TNIK: variants seen among roughly 807,000 people sequenced by gnomAD.
TNIK encodes TRAF2 and NCK interacting kinase, also known as TRAF2 and NCK-interacting protein kinase.
Under a neutral mutation model 191.3 loss-of-function variants are expected in TNIK, and 49 were observed. That is an observed-to-expected ratio of 0.26 (90% CI 0.20 to 0.32). The LOEUF (loss-of-function observed/expected upper bound fraction) is 0.32, where lower values mean the gene tolerates loss of function less well. Ranked by LOEUF, TNIK falls within the 10% of genes least tolerant of loss-of-function variation. The pLI is 1.00. For synonymous variants in TNIK, 594 were observed against 600.9 expected, an observed-to-expected ratio of 0.99 and a Z score of 0.17; for missense variants, 1,155 against 1,702.3, an observed-to-expected ratio of 0.68 and a Z score of 5.66.
chr3:171,145,236 G>A (rs1197359522), intron 12 of TNIK, among the ~76,000 whole-genome samples: 6 of 152,072 alleles, frequency 3.9e-5, no homozygotes, highest in African/African-American at 7.2e-5. Context: ...ACAGGCGCCC[G>A]CCACCACGCC....
intron 4 of TNIK, 59 bp from the exon 5 acceptor site, chr3:171,194,694 TG>T (rs1738479067): frequency 7.2e-6 from 11 of 1,525,334 alleles, no homozygotes; most frequent in Non-Finnish European, 9.9e-6. Flanking sequence ...TCCATTAAGT[TG>T]GGGTAAGAAA....
intron 1 of TNIK, among the ~76,000 whole-genome samples, chr3:171,377,088 G>C (rs544490321): frequency 1.3e-5 from 2 of 152,336 alleles, no homozygotes; most frequent in Admixed American, 6.5e-5. Flanking sequence ...CTTTTGGGAA[G>C]GGCTGTCCTG....
intron 1 of TNIK, among the ~76,000 whole-genome samples, chr3:171,374,049 T>A (rs748743814): frequency 6.6e-6 from 1 of 152,232 alleles, no homozygotes; most frequent in Non-Finnish European, 1.5e-5. Flanking sequence ...GTCCAATACA[T>A]AACTGCTAGA....
At chr3:171,333,668 T>C (rs1241291264) in intron 2 of TNIK, among the ~76,000 whole-genome samples, 1 of 151,742 alleles carries the variant, frequency 6.6e-6, no homozygotes, top group Non-Finnish European at 1.5e-5. Context: ...CTGTCCCCTT[T>C]GGGCTGAGCA....
intron 1 of TNIK, among the ~76,000 whole-genome samples, chr3:171,425,299 C>A (rs1203149124): frequency 6.6e-6 from 1 of 152,106 alleles, no homozygotes; most frequent in African/African-American, 2.4e-5. Flanking sequence ...TAAATAGTAA[C>A]ATTAGTTCAC....
chr3:171,360,124 C>G (rs1714757771), intron 2 of TNIK, among the ~76,000 whole-genome samples: 1 of 152,184 alleles, frequency 6.6e-6, no homozygotes, highest in South Asian at 2.1e-4. Context: ...ATGTCCATCC[C>G]TAACAGAAAA....
rs1276159798 is a variant in TNIK, at chr3:171,063,210, T to C, written c.*671A>G. The C allele has an allele frequency of 2.0e-5, 3 of 152,314 alleles. No individual in the cohort carries two copies. Among genetic ancestry groups the C allele is most frequent in the Middle Eastern group, 3.4e-3 (1 of 294 alleles). 9.4% of individuals were successfully genotyped at this position (152,314 alleles called of 1,614,324 possible). ...TTTATTAGACTAGTAGTTTTAAGGC[T>C]AGTAGTTTAGCCATTTAAAATCTAT... On this transcript the variant is annotated 3_prime_UTR_variant, in exon 33 of 33. Transcript: ENST00000436636.
chr3:171,220,189 C>A (rs1742118040), intron 3 of TNIK, among the ~76,000 whole-genome samples: 1 of 152,010 alleles, frequency 6.6e-6, no homozygotes, highest in African/African-American at 2.4e-5. Flanking sequence ...GGGAGTTGAA[C>A]AATGAGAACG....
intron 21 of TNIK, among the ~76,000 whole-genome samples, chr3:171,103,998 T>C (rs936477383): frequency 6.6e-6 from 1 of 152,116 alleles, no homozygotes; most frequent in Non-Finnish European, 1.5e-5. Flanking sequence ...ATAATTTTGC[T>C]TTTAATTAGA....
chr3:171,152,762 G>T (rs1333606298), intron 12 of TNIK, among the ~76,000 whole-genome samples: 1 of 91,832 alleles, frequency 1.1e-5, no homozygotes. Flanking sequence ...TATGTGTTTT[G>T]TTTTTTGTTT....
intron 2 of TNIK, among the ~76,000 whole-genome samples, chr3:171,252,069 TGTGTGTGTGTGC>T (rs1746291851): frequency 6.6e-6 from 1 of 152,012 alleles, no homozygotes; most frequent in Admixed American, 6.6e-5. Flanking sequence ...TATGCGTGTG[TGTGTGTGTGTGC>T]GTGTGTGTGT....
intron 12 of TNIK, among the ~76,000 whole-genome samples, chr3:171,143,297 C>T (rs935892525): frequency 6.6e-6 from 1 of 152,124 alleles, no homozygotes; most frequent in African/African-American, 2.4e-5. Context: ...TCCTCCTGTG[C>T]ATGGAGCCGT....
At chr3:171,445,736 T>A (rs1006816756) in intron 1 of TNIK, among the ~76,000 whole-genome samples, 1 of 152,162 alleles carries the variant, frequency 6.6e-6, no homozygotes, top group Non-Finnish European at 1.5e-5. Flanking sequence ...AAACTAAAGA[T>A]GTTTCATTTC....
intron 10 of TNIK, among the ~76,000 whole-genome samples, chr3:171,165,958 C>A (rs1162748677): frequency 6.6e-6 from 1 of 152,188 alleles, no homozygotes; most frequent in Non-Finnish European, 1.5e-5. Flanking sequence ...CAAGTTTTTA[C>A]CTTGGTCATG....
intron 1 of TNIK, among the ~76,000 whole-genome samples, chr3:171,377,698 A>G (rs536398546): frequency 8.5e-5 from 13 of 152,258 alleles, no homozygotes; most frequent in Non-Finnish European, 1.9e-4. Context: ...GACAGCAGCC[A>G]AGACCAGACT....
At chr3:171,286,527 G>T (rs1751032384) in intron 2 of TNIK, among the ~76,000 whole-genome samples, 1 of 152,090 alleles carries the variant, frequency 6.6e-6, no homozygotes, top group South Asian at 2.1e-4. Context: ...CTCAGCTACT[G>T]GGGAAGCTGA....
intron 15 of TNIK, among the ~76,000 whole-genome samples, chr3:171,132,342 A>T (rs899404241): frequency 6.6e-6 from 1 of 152,192 alleles, no homozygotes; most frequent in African/African-American, 2.4e-5. Context: ...AACTTTGGAG[A>T]AGTTTGGATC....
chr3:171,142,963 G>A (rs568825703), intron 12 of TNIK, among the ~76,000 whole-genome samples: 2 of 152,294 alleles, frequency 1.3e-5, no homozygotes, highest in South Asian at 4.1e-4. Flanking sequence ...GAACCCCTTT[G>A]CCAGGAATCA....
chr3:171,251,741 TG>T (rs1352772093), intron 2 of TNIK, among the ~76,000 whole-genome samples: 2 of 152,216 alleles, frequency 1.3e-5, no homozygotes, highest in African/African-American at 4.8e-5. Context: ...CTAATACCAT[TG>T]ATGTTTAAAT....
Sources: allele counts gnomAD v4.1 joint callset (sites outside exome capture counted in the v4.1 genomes callset), GRCh38; gene constraint gnomAD v4.1.1; transcripts MANE v1.5; gene names NCBI Gene and HGNC (gene_info 2026-07-23, HGNC 2026-07-21).